Variants in ELMOD2 observed in about 807,000 individuals in gnomAD.
ELMOD2 encodes the protein ELMO domain containing 2.
ELMOD2 carries 28 observed loss-of-function variants against 41.0 expected under a neutral mutation model. That is an observed-to-expected ratio of 0.68 (90% CI 0.51 to 0.94). The LOEUF is 0.94. ELMOD2 is among the 40% of genes least tolerant of loss of function. The pLI, the probability that ELMOD2 is intolerant of heterozygous loss-of-function variation, is 0.00. For missense variants in ELMOD2, 333 were observed against 343.1 expected (o/e 0.97, Z 0.23); for synonymous variants, 106 against 107.2 (o/e 0.99, Z 0.07).
At position 140,543,562 on chromosome 4, in the gene ELMOD2, A is replaced by G. The variant is rs1735173497; in HGVS notation, c.712A>G (p.Met238Val). ...LYNLVPGIPT[M>V]EHFHQFYCYL... ...TAACCTTGTTCCTGGTATACCAACAATGGAACACTTTCATCAGTTTTACTG... is the reference window on the plus strand; with the variant it reads ...TAACCTTGTTCCTGGTATACCAACAGTGGAACACTTTCATCAGTTTTACTG... Residue 238 changes from methionine (M) to valine (V), a missense_variant, in exon 8 of 9, where the codon ATG becomes GTG. By Grantham distance (21) the Met-to-Val change is conservative (BLOSUM62 1). Transcript: ENST00000323570. 4 of 1,598,188 alleles carry G rather than the reference A, an allele frequency of 2.5e-6. No homozygotes were observed. The South Asian group carries it at 3.4e-5, about 14-fold the overall frequency.
At chr4:140,545,978 A>G (rs531219530) in intron 8 of ELMOD2, among the ~76,000 whole-genome samples, 29 of 152,298 alleles carry the variant, frequency 1.9e-4, no homozygotes, top group Admixed American at 7.2e-4. Context: ...CAGCCATCCC[A>G]TTACTGGGTA....
chr4:140,553,290 CATA>C lies in ELMOD2; in HGVS notation c.*2918_*2920del, dbSNP rs1348365594. 3.3e-5 allele frequency: 5 copies of C among 152,156 alleles called. No homozygotes were observed. In the East Asian group the frequency reaches 9.6e-4, roughly 29 times the overall value. 9.4% of individuals were successfully genotyped at this position (152,156 alleles called of 1,614,324 possible). On this transcript the variant is annotated 3_prime_UTR_variant, in exon 9 of 9. Coordinates refer to ENST00000323570, the MANE Select transcript of ELMOD2 (RefSeq NM_153702.4). Reference sequence around the variant, plus strand: ...AGATAGGAGGTTTGACTTGGTGGGCCATAATGTTTATTATCCTTTTTGAAATAA... The same window carrying C: ...AGATAGGAGGTTTGACTTGGTGGGCCATGTTTATTATCCTTTTTGAAATAA...
In ELMOD2 at chr4:140,552,877, T is replaced by G. The variant is rs532878068; in HGVS notation, c.*2502T>G. On this transcript the variant is annotated 3_prime_UTR_variant, in exon 9 of 9. Coordinates refer to ENST00000323570, the MANE Select transcript of ELMOD2 (RefSeq NM_153702.4). ...TTTAATAGGATCTGAAAGACAATCT[T>G]TAAAGAAATGGGAGAAATTGGGGGT... 1 of 151,712 alleles carries G rather than the reference T, an allele frequency of 6.6e-6. No homozygotes were observed. Among genetic ancestry groups the G allele is most frequent in the East Asian group, 1.9e-4 (1 of 5,180 alleles). The allele number at this position is 151,712 out of a possible 1,614,324, so 9.4% of individuals were successfully genotyped here.
intron 1 of ELMOD2, 157 bp from the exon 2 acceptor site, chr4:140,525,263 A>G (rs575735321): frequency 1.4e-6 from 1 of 724,360 alleles, no homozygotes; most frequent in South Asian, 2.0e-5. Flanking sequence ...TATATATTAC[A>G]CCTGCCATTG....
At chr4:140,542,319 CTT>C (rs1018488109) in intron 6 of ELMOD2, 3 of 246,208 alleles carry the variant, frequency 1.2e-5, no homozygotes, top group African/African-American at 6.7e-5. Context: ...AAGGTAGTCT[CTT>C]TTTATATTAT....
intron 3 of ELMOD2, 161 bp downstream of exon 3, chr4:140,527,655 A>G (rs1734613907): frequency 3.5e-6 from 2 of 575,814 alleles, no homozygotes; most frequent in African/African-American, 2.0e-5. Context: ...ATTTCTCTAT[A>G]TATGTGTTTT....
rs184548646 is a variant in ELMOD2, at chr4:140,524,513, G to C, written c.-10+233G>C. 95 of 816,986 alleles carry C rather than the reference G, an allele frequency of 1.2e-4. No homozygotes were observed. In the East Asian group the frequency reaches 9.2e-3, roughly 79 times the overall value. The allele number at this position is 816,986 out of a possible 1,614,324, so 50.6% of individuals were successfully genotyped here. A position where few individuals can be genotyped will look rare whatever the true frequency, so the allele number is the denominator to read the frequency against. On this transcript the variant is annotated intron_variant, in intron 1 of 8. Transcript: ENST00000323570. ...CGCTACGCGTGCATCCCCTCTGCTC[G>C]GCAGTTCTGCGCTTTTGTCCTAATG...
At chr4:140,543,692 T>G (rs577667364) in intron 8 of ELMOD2, 106 bp downstream of exon 8, 1 of 920,724 alleles carries the variant, frequency 1.1e-6, no homozygotes, top group East Asian at 3.2e-5. Context: ...AGTATATAAC[T>G]TATGTTTATC....
At chr4:140,535,562 A>G (rs1413178782) in intron 3 of ELMOD2, 171 bp from the exon 4 acceptor site, 6 of 577,648 alleles carry the variant, frequency 1.0e-5, no homozygotes, top group Non-Finnish European at 1.5e-5. Context: ...AAAACTATAT[A>G]TATATATGTG....
intron 6 of ELMOD2, among the ~76,000 whole-genome samples, chr4:140,541,824 A>G (rs916738671): frequency 1.3e-5 from 2 of 152,144 alleles, no homozygotes; most frequent in Admixed American, 1.3e-4. Flanking sequence ...TCTCTAGAAG[A>G]ATAAAGAGGG....
rs1297565935 is a variant in ELMOD2 at position 140,551,842 on chromosome 4, A to G, written c.*1467A>G. The G allele has an allele frequency of 1.3e-5, 2 of 152,200 alleles. No homozygotes were observed. The highest frequency in any genetic ancestry group is 3.9e-4 in the East Asian group (2 of 5,190). 9.4% of individuals were successfully genotyped at this position (152,200 alleles called of 1,614,324 possible). A position where few individuals can be genotyped will look rare whatever the true frequency, so the allele number is the denominator to read the frequency against. On this transcript the variant is annotated 3_prime_UTR_variant, in exon 9 of 9. Transcript: ENST00000323570. ...AGTGGTAAGACATATCCAATTGGAA[A>G]ATAAGATGCAGTGTTGTATAGCACA...
rs553458172 is a variant in ELMOD2 at position 140,524,640 on chromosome 4, C to G, written c.-10+360C>G. 1.2e-3 allele frequency: 1,147 copies of G among 985,506 alleles called. 1 individual carries two copies. Among genetic ancestry groups the G allele is most frequent in the Non-Finnish European group, 1.3e-3 (1,119 of 829,962 alleles). The allele number at this position is 985,506 out of a possible 1,614,324, so 61.0% of individuals were successfully genotyped here. A position where few individuals can be genotyped will look rare whatever the true frequency, so the allele number is the denominator to read the frequency against. On this transcript the variant is annotated intron_variant, in intron 1 of 8. Coordinates refer to ENST00000323570, the MANE Select transcript of ELMOD2 (RefSeq NM_153702.4). ...CGGGTACTTCGAACTTCGACAGTCCCTCCTCAGGCCCTAGTCCAGAGGTGA... is the reference window on the plus strand; with the variant it reads ...CGGGTACTTCGAACTTCGACAGTCCGTCCTCAGGCCCTAGTCCAGAGGTGA...
At position 140,540,244 on chromosome 4, in the gene ELMOD2, G is replaced by T. The variant is rs1178652268; in HGVS notation, c.476G>T (p.Gly159Val). The stretch of plus-strand genomic sequence containing the variant: ...CAGTGGGCTGAAATTGGTTTTCAGG[G>T]TGATGATCCCAAGACAGACTTCAGA... ...SKQWAEIGFQ[G>V]DDPKTDFRGM... Residue 159 changes from glycine to valine, a missense_variant, in exon 6 of 9, where the codon GGT becomes GTT. By Grantham distance (109) the Gly-to-Val change is moderately radical. Transcript: ENST00000323570. 1 of 1,614,160 alleles carries T rather than the reference G, an allele frequency of 6.2e-7. No individual in the cohort carries two copies. Among genetic ancestry groups the T allele is most frequent in the Admixed American group, 1.7e-5 (1 of 60,032 alleles).
intron 6 of ELMOD2, 56 bp downstream of exon 6, chr4:140,540,357 A>ATATTACT: frequency 6.3e-7 from 1 of 1,594,610 alleles, no homozygotes. Context: ...TTAATCTCTG[A>ATATTACT]TCTAGTTACT....
Position 140,553,272 on chromosome 4 carries a change from A to T in ELMOD2, c.*2897A>T, listed in dbSNP as rs1354841419. On this transcript the variant is annotated 3_prime_UTR_variant, in exon 9 of 9. Coordinates refer to ENST00000323570, the MANE Select transcript of ELMOD2 (RefSeq NM_153702.4). The stretch of plus-strand genomic sequence containing the variant: ...ACATGATCATGGCACAGAAGATAGG[A>T]GGTTTGACTTGGTGGGCCATAATGT... 1 of 152,110 alleles carries T rather than the reference A, an allele frequency of 6.6e-6. No homozygotes were observed. Among genetic ancestry groups the T allele is most frequent in the Non-Finnish European group, 1.5e-5 (1 of 67,990 alleles). 9.4% of individuals were successfully genotyped at this position (152,110 alleles called of 1,614,324 possible). A position where few individuals can be genotyped will look rare whatever the true frequency, so the allele number is the denominator to read the frequency against.
At chr4:140,525,812 C>T (rs989328962) in intron 2 of ELMOD2, among the ~76,000 whole-genome samples, 2 of 152,070 alleles carry the variant, frequency 1.3e-5, no homozygotes, top group Non-Finnish European at 2.9e-5. Context: ...ATCGGTTATT[C>T]CTTAGATTAT....
Position 140,540,384 on chromosome 4 carries a change from C to A in ELMOD2, c.533+83C>A, listed in dbSNP as rs796843408. 8.8e-6 allele frequency: 13 copies of A among 1,484,880 alleles called. No homozygotes were observed. The African/African-American group carries it at 1.7e-4, about 19-fold the overall frequency. 92.0% of individuals were successfully genotyped at this position (1,484,880 alleles called of 1,614,324 possible). A position where few individuals can be genotyped will look rare whatever the true frequency, so the allele number is the denominator to read the frequency against. On this transcript the variant is annotated intron_variant, in intron 6 of 8. Coordinates refer to ENST00000323570, the MANE Select transcript of ELMOD2 (RefSeq NM_153702.4). ...CTAGTTACTTCTAATAAGAAGTGATCTAGTTGATTCATACTATCTCTGAAT... is the reference window on the plus strand; with the variant it reads ...CTAGTTACTTCTAATAAGAAGTGATATAGTTGATTCATACTATCTCTGAAT...
intron 6 of ELMOD2, chr4:140,542,347 C>A: frequency 6.9e-6 from 2 of 289,886 alleles, no homozygotes; most frequent in African/African-American, 2.2e-5. Context: ...TATTAAAATA[C>A]TTTACAGTCT....
In ELMOD2 at chr4:140,535,897, A is replaced by C. The variant is rs1362757866; in HGVS notation, c.269+67A>C. On this transcript the variant is annotated intron_variant, in intron 4 of 8. Coordinates refer to ENST00000323570, the MANE Select transcript of ELMOD2 (RefSeq NM_153702.4). ...AGCCTGTGAGGTATCAATATCACAC[A>C]CTGTTGTAACACTTTAGAGCTGAAG... 3.6e-6 allele frequency: 5 copies of C among 1,376,110 alleles called. No homozygotes were observed. In the East Asian group the frequency reaches 1.2e-4, roughly 33 times the overall value. 85.2% of individuals were successfully genotyped at this position (1,376,110 alleles called of 1,614,324 possible).
Sources: allele counts gnomAD v4.1 joint callset (sites outside exome capture counted in the v4.1 genomes callset), GRCh38; gene constraint gnomAD v4.1.1; transcripts MANE v1.5; gene names NCBI Gene and HGNC (gene_info 2026-07-23, HGNC 2026-07-21).